PPP1R13B: variants seen among roughly 807,000 people sequenced by gnomAD.
PPP1R13B encodes protein phosphatase 1 regulatory subunit 13B.
In PPP1R13B, 44 loss-of-function variants were observed where a neutral mutation model predicts 119.8. The observed-to-expected ratio is 0.37, with a 90% CI of 0.29 to 0.47. The LOEUF (loss-of-function observed/expected upper bound fraction) is 0.47. PPP1R13B is among the 20% of genes least tolerant of loss of function. The probability of loss-of-function intolerance (pLI) is 0.99; values close to 1 mark genes in which losing one functional copy is unlikely to be tolerated. For synonymous variants in PPP1R13B, 542 were observed against 561.5 expected, an observed-to-expected ratio of 0.97 and a Z score of 0.49; for missense variants, 1,227 against 1,413.5, an observed-to-expected ratio of 0.87 and a Z score of 2.12.
chr14:103,772,329 T>C (rs2085091092), intron 4 of PPP1R13B, among the ~76,000 whole-genome samples: 1 of 152,250 alleles, frequency 6.6e-6, no homozygotes, highest in South Asian at 2.1e-4. Flanking sequence ...GCACAGACAT[T>C]TGCTTCCATT....
At chr14:103,760,180 G>A (rs1555435454) in intron 4 of PPP1R13B, among the ~76,000 whole-genome samples, 1 of 152,054 alleles carries the variant, frequency 6.6e-6, no homozygotes, top group Non-Finnish European at 1.5e-5. Flanking sequence ...GAAAATTTGG[G>A]AAAAAAGAAG....
At chr14:103,746,291 T>TTGGG in intron 9 of PPP1R13B, 82 bp downstream of exon 9, 1 of 272,098 alleles carries the variant, frequency 3.7e-6, no homozygotes, top group Non-Finnish European at 7.5e-6. Context: ...CTCAGGAGCC[T>TTGGG]GCCCCACCCC....
Position 103,741,773 on chromosome 14 carries a change from G to A in PPP1R13B, c.1822+17C>T. 1 of 1,609,056 alleles carries A rather than the reference G, an allele frequency of 6.2e-7. No homozygotes were observed. Among genetic ancestry groups the A allele is most frequent in the Non-Finnish European group, 8.5e-7 (1 of 1,176,572 alleles). On this transcript the variant is annotated intron_variant, in intron 11 of 16. Transcript: ENST00000202556. ...ATTTCCTAGCCCCAAGAAAAGGAGA[G>A]TATAAACCCACTCTACCTGCTTTAA...
chr14:103,814,666 C>T (rs924884240), intron 1 of PPP1R13B, among the ~76,000 whole-genome samples: 5 of 152,070 alleles, frequency 3.3e-5, no homozygotes, highest in African/African-American at 4.8e-5. Flanking sequence ...AAACCGGCGG[C>T]GGGGCGCGGT....
At chr14:103,814,720 C>T (rs562612513) in intron 1 of PPP1R13B, among the ~76,000 whole-genome samples, 11 of 152,136 alleles carry the variant, frequency 7.2e-5, no homozygotes, top group African/African-American at 2.2e-4. Context: ...CCAAGGTGGG[C>T]GGATCACGAG....
Position 103,784,806 on chromosome 14 carries a change from T to C in PPP1R13B, c.266A>G (p.Asn89Ser). The C allele has an allele frequency of 6.2e-7, 1 of 1,602,034 alleles. No individual in the cohort carries two copies. The highest frequency in any genetic ancestry group is 8.5e-7 in the Non-Finnish European group (1 of 1,170,882). ...FLRHEDSPTE[N>S]SEQGGRQTQE... ...AAGCAGTTATCTACCTTGTTCACTG[T>C]TCTCAGTTGGGGAGTCCTCGTGTCG... Residue 89 changes from asparagine to serine, a missense_variant, in exon 3 of 17, where the codon AAC becomes AGC. Coordinates refer to ENST00000202556, the MANE Select transcript of PPP1R13B (RefSeq NM_015316.3).
At position 103,735,994 on chromosome 14, in the gene PPP1R13B, A is replaced by G; in HGVS notation, c.3231+9T>C. ...AGCTAGTTTCCCAGTAAGTAACCTG[A>G]GTGCTCACCCCCAGCAGGTTTTTGG... On this transcript the variant is annotated intron_variant, in intron 16 of 16. Transcript: ENST00000202556. The G allele has an allele frequency of 3.1e-6, 5 of 1,613,954 alleles. No individual in the cohort carries two copies. Among genetic ancestry groups the G allele is most frequent in the Non-Finnish European group, 4.2e-6 (5 of 1,179,920 alleles).
intron 1 of PPP1R13B, among the ~76,000 whole-genome samples, chr14:103,841,162 G>A (rs1312354276): frequency 3.3e-5 from 5 of 152,058 alleles, no homozygotes; most frequent in African/African-American, 7.2e-5. Context: ...GTACATGCCT[G>A]TAATCCCAGC....
chr14:103,746,291 T>TGGGGGGGGGGGG, intron 9 of PPP1R13B, 82 bp downstream of exon 9: 1 of 272,100 alleles, frequency 3.7e-6, no homozygotes, highest in Non-Finnish European at 7.5e-6. Flanking sequence ...CTCAGGAGCC[T>TGGGGGGGGGGGG]GCCCCACCCC....
chr14:103,750,151 T>C (rs2084503337), intron 7 of PPP1R13B, among the ~76,000 whole-genome samples: 1 of 152,138 alleles, frequency 6.6e-6, no homozygotes, highest in Non-Finnish European at 1.5e-5. Flanking sequence ...GTAAGCATCT[T>C]CTTCAAAGCA....
At chr14:103,747,204 T>A (rs1391954199) in intron 8 of PPP1R13B, 1 of 152,214 alleles carries the variant, frequency 6.6e-6, no homozygotes, top group African/African-American at 2.4e-5. Flanking sequence ...GTCCTCAAGA[T>A]TTCAATATAG....
At chr14:103,804,508 G>C (rs1053570308) in intron 1 of PPP1R13B, among the ~76,000 whole-genome samples, 1 of 152,010 alleles carries the variant, frequency 6.6e-6, no homozygotes, top group African/African-American at 2.4e-5. Context: ...GGATCGCTTA[G>C]GCCCAGGAAT....
intron 1 of PPP1R13B, among the ~76,000 whole-genome samples, chr14:103,800,108 G>C (rs984432174): frequency 2.7e-4 from 41 of 151,916 alleles, no homozygotes; most frequent in African/African-American, 9.7e-4. Context: ...TTAAACCAAA[G>C]ATTTTCTTTA....
chr14:103,742,904 A>G lies in PPP1R13B; in HGVS notation c.1151-81T>C, dbSNP rs1246061230. 2.7e-6 allele frequency: 4 copies of G among 1,489,996 alleles called. No individual in the cohort carries two copies. Among genetic ancestry groups the G allele is most frequent in the Non-Finnish European group, 3.7e-6 (4 of 1,086,788 alleles). 92.3% of individuals were successfully genotyped at this position (1,489,996 alleles called of 1,614,324 possible). On this transcript the variant is annotated intron_variant, in intron 9 of 16. Coordinates refer to ENST00000202556, the MANE Select transcript of PPP1R13B (RefSeq NM_015316.3). The surrounding 1 kb of genome is among the most constrained non-coding windows in gnomAD (Gnocchi z 4.9). ...TAAGAATAACACTCTGCCAGAAACA[A>G]AAACAGCACTGGGACATCCCATTCT...
At chr14:103,823,358 A>C (rs1595825123) in intron 1 of PPP1R13B, among the ~76,000 whole-genome samples, 1 of 151,760 alleles carries the variant, frequency 6.6e-6, no homozygotes, top group Non-Finnish European at 1.5e-5. Context: ...AAAAAAAAAA[A>C]ACAACAGGGA....
chr14:103,827,358 T>C (rs1437879973), intron 1 of PPP1R13B, among the ~76,000 whole-genome samples: 1 of 151,990 alleles, frequency 6.6e-6, no homozygotes, highest in East Asian at 1.9e-4. Context: ...AGATACTTTT[T>C]GGGGTGGAGA....
upstream of PPP1R13B, chr14:103,848,605 G>A (rs187004523): frequency 3.7e-3 from 2,300 of 623,158 alleles, 5 homozygotes; most frequent in Admixed American, 6.7e-3. Context: ...AGACACAGAA[G>A]GCGTAAGCCG....
At chr14:103,811,082 G>A (rs1484875134) in intron 1 of PPP1R13B, among the ~76,000 whole-genome samples, 4 of 124,834 alleles carry the variant, frequency 3.2e-5, no homozygotes, top group Admixed American at 9.2e-5. Flanking sequence ...AGGACAGCGT[G>A]AGACTCCTCC....
chr14:103,752,887 T>C, intron 7 of PPP1R13B, 113 bp downstream of exon 7: 1 of 1,160,200 alleles, frequency 8.6e-7, no homozygotes, highest in Non-Finnish European at 1.2e-6. Flanking sequence ...GTGCCTATTA[T>C]TAAATTAGAA....
Sources: gnomAD v4.1 joint callset for allele counts (sites outside exome capture counted in the v4.1 genomes callset) on GRCh38, gnomAD v4.1.1 for gene constraint, Gnocchi (gnomAD v3.1) non-coding constraint, MANE v1.5 for transcripts, NCBI Gene and HGNC (gene_info 2026-07-23, HGNC 2026-07-21) for gene names.